Variants in FYTTD1 observed in about 807,000 individuals in gnomAD.
FYTTD1 encodes the protein UAP56-interacting factor.
A neutral mutation model predicts 40.9 loss-of-function variants in FYTTD1; 22 were observed. The ratio of observed to expected loss-of-function variants is 0.54; its 90% CI spans 0.38 to 0.77. The LOEUF is 0.77. Among genes scored for constraint, FYTTD1 ranks in the 30% least tolerant of loss-of-function variants. The pLI is 0.00. For synonymous variants in FYTTD1, 140 were observed against 137.9 expected (o/e 1.01, Z -0.10); for missense variants, 351 against 392.2 (o/e 0.90, Z 0.89).
Position 197,770,173 on chromosome 3 carries a change from CCTT to C in FYTTD1, c.429_431del (p.Leu144del), listed in dbSNP as rs1373895350. ...TTCCAGTGTTAAAAAGGAAGGCAAA[CCTT>C]CTGAGACAAAATGAAGGGCAGAGGA... On this transcript the variant is annotated inframe_deletion, in exon 4 of 9. Transcript: ENST00000241502. The C allele has an allele frequency of 6.8e-6, 11 of 1,612,356 alleles. No homozygotes were observed. The highest frequency in any genetic ancestry group is 7.6e-6 in the Non-Finnish European group (9 of 1,178,974).
intron 2 of FYTTD1, among the ~76,000 whole-genome samples, chr3:197,759,205 G>GA (rs1204196686): frequency 6.7e-6 from 1 of 149,674 alleles, no homozygotes; most frequent in Admixed American, 6.7e-5. Context: ...AGAATGTATA[G>GA]AGTGTTCTTC....
chr3:197,768,665 G>C, intron 3 of FYTTD1, 78 bp downstream of exon 3: 3 of 1,243,280 alleles, frequency 2.4e-6, no homozygotes, highest in Non-Finnish European at 3.2e-6. Context: ...AAGCTTAAGA[G>C]AGAATTTTAT....
intron 4 of FYTTD1, among the ~76,000 whole-genome samples, chr3:197,770,607 G>A (rs912344986): frequency 1.3e-5 from 2 of 152,016 alleles, no homozygotes; most frequent in Admixed American, 6.5e-5. Flanking sequence ...GTGCAGTGGC[G>A]CCATCACTGC....
At chr3:197,764,211 C>T (rs551939828) in intron 2 of FYTTD1, among the ~76,000 whole-genome samples, 2 of 152,296 alleles carry the variant, frequency 1.3e-5, no homozygotes, top group Admixed American at 1.3e-4. Flanking sequence ...AGTACCCCTT[C>T]ATAGTGCTTT....
intron 3 of FYTTD1, 23 bp from the exon 4 acceptor site, chr3:197,770,109 C>T (rs756676825): frequency 3.4e-5 from 47 of 1,382,406 alleles, no homozygotes; most frequent in Non-Finnish European, 4.3e-5. Flanking sequence ...ATTTGATTAA[C>T]ATAATTTCTT....
At chr3:197,752,861 G>C (rs1326871435) in intron 1 of FYTTD1, among the ~76,000 whole-genome samples, 2 of 152,196 alleles carry the variant, frequency 1.3e-5, no homozygotes, top group African/African-American at 4.8e-5. Flanking sequence ...ATACAAGGTA[G>C]TTAAGTGGTG....
Position 197,787,527 on chromosome 3 carries a change from G to C in FYTTD1, c.*5618G>C, listed in dbSNP as rs1026234328. ...GCTGGAAAGAACTATTAAGATTTGAGTGAAACTTTTGCCCCCTGTGTTGAA... is the reference window on the plus strand; with the variant it reads ...GCTGGAAAGAACTATTAAGATTTGACTGAAACTTTTGCCCCCTGTGTTGAA... On this transcript the variant is annotated 3_prime_UTR_variant, in exon 9 of 9. Transcript: ENST00000241502. The C allele has an allele frequency of 1.3e-5, 2 of 152,238 alleles. No individual in the cohort carries two copies. The highest frequency in any genetic ancestry group is 1.5e-5 in the Non-Finnish European group (1 of 68,064). The allele number at this position is 152,238 out of a possible 1,614,324, so 9.4% of individuals were successfully genotyped here. A position where few individuals can be genotyped will look rare whatever the true frequency, so the allele number is the denominator to read the frequency against.
At chr3:197,768,349 G>A (rs766334796) in intron 2 of FYTTD1, 90 bp from the exon 3 acceptor site, 234 of 889,272 alleles carry the variant, frequency 2.6e-4, no homozygotes, top group Non-Finnish European at 3.8e-4. Flanking sequence ...ATGTTCATAA[G>A]TTCCCCCTTC....
chr3:197,750,245 C>A, intron 1 of FYTTD1, 171 bp downstream of exon 1: 1 of 852,258 alleles, frequency 1.2e-6, no homozygotes, highest in Non-Finnish European at 1.6e-6. Flanking sequence ...AGGCTCGACG[C>A]CAGGTGCCCG....
rs780536859 is a variant in FYTTD1 at position 197,768,554 on chromosome 3, T to A, written c.351T>A (p.Ile117=). The A allele has an allele frequency of 1.9e-6, 3 of 1,613,866 alleles. No homozygotes were observed. The South Asian group carries it at 3.3e-5, about 18-fold the overall frequency. ...AAACGACTGGAATTCGAAAAGGAAT[T>A]AGTCCTATGAATCGTCCACCTCTAA... ...ARKTTGIRKG[I]SPMNRPPLSD... is the part of the protein sequence containing the mutation. The change falls in exon 3 of 9, where the codon ATT becomes ATA. Residue 117 remains isoleucine (I), a synonymous_variant. Transcript: ENST00000241502.
rs779438265 is a variant in FYTTD1 at position 197,778,460 on chromosome 3, A to G, written c.854A>G (p.Lys285Arg). 2 of 1,596,438 alleles carry G rather than the reference A, an allele frequency of 1.3e-6. No individual in the cohort carries two copies. Among genetic ancestry groups the G allele is most frequent in the South Asian group, 2.3e-5 (2 of 86,776 alleles). ...PLQFDINSVGKQTGMTLNERF... is the reference protein window; with the variant it reads ...PLQFDINSVGRQTGMTLNERF... ...CAGTTTGACATAAACAGTGTCGGAA[A>G]ACAGGTAAAAAAACGTTTTCTGTAT... Residue 285 changes from lysine (K) to arginine (R), a missense_variant, in exon 8 of 9, where the codon AAA becomes AGA. Transcript: ENST00000241502.
Position 197,781,988 on chromosome 3 carries a change from A to G in FYTTD1, c.*79A>G, listed in dbSNP as rs1233695716. ...AAGAGTTCATCACGGAAATTCAAGA[A>G]ACTTTACTTCAAAATATTCACAAGG... On this transcript the variant is annotated 3_prime_UTR_variant, in exon 9 of 9. Transcript: ENST00000241502. The G allele has an allele frequency of 1.3e-6, 1 of 748,068 alleles. No homozygotes were observed. The highest frequency in any genetic ancestry group is 2.1e-6 in the Non-Finnish European group (1 of 480,546). The allele number at this position is 748,068 out of a possible 1,614,324, so 46.3% of individuals were successfully genotyped here.
chr3:197,767,454 T>TTA (rs397746641), intron 2 of FYTTD1, among the ~76,000 whole-genome samples: 4 of 150,540 alleles, frequency 2.7e-5, no homozygotes, highest in Non-Finnish European at 5.9e-5. Context: ...TTTTTTTTTT[T>TTA]AACTAGAAAA....
At chr3:197,761,171 A>G (rs1338072345) in intron 2 of FYTTD1, among the ~76,000 whole-genome samples, 1 of 151,204 alleles carries the variant, frequency 6.6e-6, no homozygotes, top group Non-Finnish European at 1.5e-5. Flanking sequence ...GGATGTATAG[A>G]GTTGTTTCTC....
chr3:197,770,903 A>T (rs1729697209), intron 4 of FYTTD1, among the ~76,000 whole-genome samples: 1 of 152,212 alleles, frequency 6.6e-6, no homozygotes, highest in African/African-American at 2.4e-5. Flanking sequence ...GAATTCTGAA[A>T]TCTCAATTTG....
intron 2 of FYTTD1, among the ~76,000 whole-genome samples, chr3:197,764,714 A>T (rs1729489871): frequency 6.6e-6 from 1 of 151,704 alleles, no homozygotes; most frequent in East Asian, 1.9e-4. Flanking sequence ...GTCCCAAAAA[A>T]AAAAAAAAAA....
intron 2 of FYTTD1, 109 bp downstream of exon 2, chr3:197,756,666 T>C: frequency 2.9e-6 from 3 of 1,042,554 alleles, no homozygotes; most frequent in Non-Finnish European, 4.3e-6. Flanking sequence ...TCTTTGTGTT[T>C]TGTGTTTCCT....
intron 1 of FYTTD1, among the ~76,000 whole-genome samples, chr3:197,754,819 C>A (rs902833594): frequency 6.6e-6 from 1 of 152,050 alleles, no homozygotes; most frequent in Non-Finnish European, 1.5e-5. Flanking sequence ...CACGCACCAC[C>A]ATGCCTGGCT....
At position 197,749,884 on chromosome 3, in the gene FYTTD1, G is replaced by T; in HGVS notation, c.-88G>T. Reference sequence around the variant, plus strand: ...GCGCCGGCGCGTGCGCGCTCCCTCGGTGCGGCGGGCTGCGTGCGCGAGTGG... The same window carrying T: ...GCGCCGGCGCGTGCGCGCTCCCTCGTTGCGGCGGGCTGCGTGCGCGAGTGG... On this transcript the variant is annotated 5_prime_UTR_variant, in exon 1 of 9. Transcript: ENST00000241502. The T allele has an allele frequency of 1.2e-6, 1 of 838,116 alleles. No homozygotes were observed. The highest frequency in any genetic ancestry group is 1.7e-6 in the Non-Finnish European group (1 of 581,922). The allele number at this position is 838,116 out of a possible 1,614,324, so 51.9% of individuals were successfully genotyped here. A position where few individuals can be genotyped will look rare whatever the true frequency, so the allele number is the denominator to read the frequency against.
Sources: gnomAD v4.1 joint callset for allele counts (sites outside exome capture counted in the v4.1 genomes callset) on GRCh38, gnomAD v4.1.1 for gene constraint, MANE v1.5 for transcripts, NCBI Gene and HGNC (gene_info 2026-07-23, HGNC 2026-07-21) for gene names.